Variants in LRP1B observed in about 807,000 individuals in gnomAD.
LRP1B encodes LDL receptor related protein 1B.
Under a neutral mutation model 556.6 loss-of-function variants are expected in LRP1B, and 217 were observed. The observed-to-expected ratio is 0.39, with a 90% confidence interval of 0.35 to 0.44. LRP1B has a LOEUF of 0.44. Among genes scored for constraint, LRP1B ranks in the 20% least tolerant of loss-of-function variants. The pLI is 1.00. For synonymous variants in LRP1B, 2,047 were observed against 1,865.8 expected, an observed-to-expected ratio of 1.10 and a Z score of -2.50; for missense variants, 5,053 against 5,620.8, an observed-to-expected ratio of 0.90 and a Z score of 3.23.
Position 140,429,904 on chromosome 2 carries a change from T to C in LRP1B, c.10414+12600A>G, listed in dbSNP as rs1318290420. On this transcript the variant is annotated intron_variant, in intron 66 of 90. Transcript: ENST00000389484. ...TTTTCTTCCTCACACCTGACACATA[T>C]ACTTTCTGCTCCCCGGCTCCTTCAG... Among the ~76,000 whole-genome samples, 4 of 150,978 alleles carry C rather than the reference T, an allele frequency of 2.6e-5. No homozygotes were observed. The East Asian group carries it at 7.7e-4, about 29-fold the overall frequency.
chr2:141,369,502 T>C (rs74378437), intron 3 of LRP1B, among the ~76,000 whole-genome samples: 5,803 of 152,268 alleles, frequency 0.038, 145 homozygotes, highest in South Asian at 0.063. Context: ...TAATTTTGTC[T>C]CAATTTTTAA....
intron 2 of LRP1B, among the ~76,000 whole-genome samples, chr2:141,568,903 G>A (rs1401646589): frequency 1.4e-5 from 2 of 146,570 alleles, no homozygotes; most frequent in Non-Finnish European, 3.1e-5. Flanking sequence ...ACAGGTGTGT[G>A]CCACCATGCC....
chr2:141,787,559 G>A (rs1289853774), intron 2 of LRP1B, among the ~76,000 whole-genome samples: 1 of 151,588 alleles, frequency 6.6e-6, no homozygotes, highest in Non-Finnish European at 1.5e-5. Flanking sequence ...ACAAAATACA[G>A]ATCAGTGTCA....
chr2:140,858,502 G>GAGAGAGAC (rs1491572276), intron 27 of LRP1B, among the ~76,000 whole-genome samples: 183 of 8,622 alleles, frequency 0.021, 3 homozygotes, highest in East Asian at 0.12. Context: ...TATATATATG[G>GAGAGAGAC]AGAGAGAGAG....
chr2:140,443,249 T>C (rs941868250), intron 65 of LRP1B, among the ~76,000 whole-genome samples: 3 of 152,030 alleles, frequency 2.0e-5, no homozygotes, highest in Non-Finnish European at 4.4e-5. Flanking sequence ...TTATTAGAGA[T>C]AGGGTTTCAC....
chr2:141,584,603 A>G (rs1687065508), intron 2 of LRP1B, among the ~76,000 whole-genome samples: 1 of 152,222 alleles, frequency 6.6e-6, no homozygotes, highest in Admixed American at 6.5e-5. Context: ...AATTACCTAT[A>G]GCTAAATGTA....
chr2:141,412,305 G>A (rs547038916), intron 3 of LRP1B, among the ~76,000 whole-genome samples: 20 of 152,270 alleles, frequency 1.3e-4, no homozygotes, highest in Non-Finnish European at 2.1e-4. Context: ...TCCACACTGG[G>A]GTTCCACAGT....
At chr2:141,716,764 G>C (rs941421454) in intron 2 of LRP1B, among the ~76,000 whole-genome samples, 1 of 152,160 alleles carries the variant, frequency 6.6e-6, no homozygotes, top group Admixed American at 6.5e-5. Flanking sequence ...AAGCAATAAC[G>C]TGTTGATTCT....
At chr2:140,558,033 G>A (rs776332235) in intron 43 of LRP1B, among the ~76,000 whole-genome samples, 7 of 152,104 alleles carry the variant, frequency 4.6e-5, no homozygotes, top group Non-Finnish European at 7.4e-5. Flanking sequence ...AAAGTGGTTA[G>A]TCACCAGGAA....
At chr2:140,682,675 C>CGTGTGTGTGTGTGTGTGT (rs112723393) in intron 41 of LRP1B, among the ~76,000 whole-genome samples, 14 of 149,546 alleles carry the variant, frequency 9.4e-5, no homozygotes, top group African/African-American at 3.2e-4. Flanking sequence ...GAGAGTATTG[C>CGTGTGTGTGTGTGTGTGT]GTGTGTGTGT....
At chr2:141,209,721 G>A (rs1174143407) in intron 6 of LRP1B, among the ~76,000 whole-genome samples, 1 of 152,072 alleles carries the variant, frequency 6.6e-6, no homozygotes, top group Non-Finnish European at 1.5e-5. Flanking sequence ...AAAGGATGAA[G>A]GTACATCTAC....
intron 83 of LRP1B, among the ~76,000 whole-genome samples, chr2:140,305,726 G>A (rs1444288056): frequency 6.6e-6 from 1 of 152,068 alleles, no homozygotes; most frequent in Non-Finnish European, 1.5e-5. Context: ...TCCCTGTCTT[G>A]TGCCGGTTTT....
intron 3 of LRP1B, among the ~76,000 whole-genome samples, chr2:141,351,402 T>C (rs1559023295): frequency 6.6e-6 from 1 of 152,008 alleles, no homozygotes; most frequent in Non-Finnish European, 1.5e-5. Flanking sequence ...GTTACTTTCG[T>C]TTTTCTCTTT....
At chr2:141,399,481 C>T (rs954145012) in intron 3 of LRP1B, among the ~76,000 whole-genome samples, 4 of 152,114 alleles carry the variant, frequency 2.6e-5, no homozygotes, top group African/African-American at 9.7e-5. Context: ...TATGGTTCCC[C>T]CAGCGGCTAC....
intron 3 of LRP1B, among the ~76,000 whole-genome samples, chr2:141,309,614 T>C (rs944398072): frequency 2.0e-5 from 3 of 152,124 alleles, no homozygotes; most frequent in African/African-American, 7.2e-5. Flanking sequence ...ATGATAGTTC[T>C]AGAAAACCAA....
chr2:141,589,337 G>A (rs1398874216), intron 2 of LRP1B, among the ~76,000 whole-genome samples: 1 of 152,120 alleles, frequency 6.6e-6, no homozygotes, highest in Non-Finnish European at 1.5e-5. Context: ...ATCATTAGGT[G>A]TACCAATTAT....
rs1337006119 is a variant in LRP1B, at chr2:141,726,276, C to CA, written c.205+84002dup. On this transcript the variant is annotated intron_variant, in intron 2 of 90. Transcript: ENST00000389484. Reference sequence around the variant, plus strand: ...TACATATACTTGACAAGATTTGAACCAAAAAATGTTAATTATTATAATCTC... The same window carrying CA: ...TACATATACTTGACAAGATTTGAACCAAAAAAATGTTAATTATTATAATCTC... Among the ~76,000 whole-genome samples, 4 of 150,182 alleles carry CA rather than the reference C, an allele frequency of 2.7e-5. No individual in the cohort carries two copies. The East Asian group carries it at 5.9e-4, about 22-fold the overall frequency.
chr2:141,042,599 T>C (rs1698733751), intron 11 of LRP1B, among the ~76,000 whole-genome samples: 1 of 152,062 alleles, frequency 6.6e-6, no homozygotes, highest in South Asian at 2.1e-4. Context: ...CTATGTAACT[T>C]TGAGAAAAGA....
chr2:140,826,516 T>A (rs1225254442), intron 31 of LRP1B, among the ~76,000 whole-genome samples: 1 of 152,032 alleles, frequency 6.6e-6, no homozygotes, highest in African/African-American at 2.4e-5. Flanking sequence ...ACCAGCAACA[T>A]CCAGGAACTC....
Sources: gnomAD v4.1 joint callset for allele counts (sites outside exome capture counted in the v4.1 genomes callset) on GRCh38, gnomAD v4.1.1 for gene constraint, MANE v1.5 for transcripts, NCBI Gene and HGNC (gene_info 2026-07-23, HGNC 2026-07-21) for gene names.